Variants in SLC1A1 observed in about 807,000 individuals in gnomAD.
SLC1A1 encodes solute carrier family 1 member 1.
SLC1A1 carries 43 observed loss-of-function variants against 53.3 expected under a neutral mutation model. That is an observed-to-expected ratio of 0.81 (90% confidence interval 0.63 to 1.04). SLC1A1 has a LOEUF of 1.04. SLC1A1 is among the 50% of genes least tolerant of loss of function. The probability of loss-of-function intolerance (pLI) is 0.00; values close to 1 mark genes in which losing one functional copy is unlikely to be tolerated. For synonymous variants in SLC1A1, 307 were observed against 243.2 expected, an observed-to-expected ratio of 1.26 and a Z score of -2.44; for missense variants, 748 against 664.9, an observed-to-expected ratio of 1.12 and a Z score of -1.37.
At chr9:4,507,858 A>T (rs1820856114) in intron 1 of SLC1A1, among the ~76,000 whole-genome samples, 1 of 152,146 alleles carries the variant, frequency 6.6e-6, no homozygotes, top group South Asian at 2.1e-4. Context: ...AGATGGTCAG[A>T]TTTTATTTAC....
chr9:4,513,402 C>T (rs1821059098), intron 1 of SLC1A1, among the ~76,000 whole-genome samples: 2 of 152,196 alleles, frequency 1.3e-5, no homozygotes, highest in South Asian at 4.2e-4. Context: ...AAAACCTGAA[C>T]AGACACTTCA....
chr9:4,510,581 C>T (rs1225053936), intron 1 of SLC1A1, among the ~76,000 whole-genome samples: 1 of 152,186 alleles, frequency 6.6e-6, no homozygotes, highest in Non-Finnish European at 1.5e-5. Flanking sequence ...TCCTTACATA[C>T]AGTCTCTTTA....
intron 1 of SLC1A1, among the ~76,000 whole-genome samples, chr9:4,513,883 C>T (rs545446618): frequency 1.6e-4 from 24 of 152,264 alleles, no homozygotes; most frequent in African/African-American, 5.3e-4. Flanking sequence ...ACCATTGATA[C>T]GTACAAAACT....
intron 1 of SLC1A1, among the ~76,000 whole-genome samples, chr9:4,528,499 C>G (rs578088220): frequency 6.6e-6 from 1 of 152,058 alleles, no homozygotes; most frequent in Non-Finnish European, 1.5e-5. Flanking sequence ...TGGCGTGAAC[C>G]CGGGAGGCGG....
rs186201022 is a variant in SLC1A1 at position 4,520,711 on chromosome 9, T to C, written c.92-23856T>C. On this transcript the variant is annotated intron_variant, in intron 1 of 11. Coordinates refer to ENST00000262352, the MANE Select transcript of SLC1A1 (RefSeq NM_004170.6). ...TTTCACATTTGGCTATTAGGAATAATGTTGTTGTGAACATTTCTTGTACAG... is the reference window on the plus strand; with the variant it reads ...TTTCACATTTGGCTATTAGGAATAACGTTGTTGTGAACATTTCTTGTACAG... Among the ~76,000 whole-genome samples the C allele has an allele frequency of 2.4e-3, 361 of 152,368 alleles. 1 individual carries two copies. Among genetic ancestry groups the C allele is most frequent in the African/African-American group, 8.5e-3 (352 of 41,594 alleles).
At chr9:4,567,626 T>A (rs1333992162) in intron 5 of SLC1A1, 43 bp from the exon 6 acceptor site, 1 of 1,324,750 alleles carries the variant, frequency 7.5e-7, no homozygotes, top group African/African-American at 1.4e-5. Context: ...TTAAAAAAAA[T>A]TCTTTTTTTG....
intron 11 of SLC1A1, among the ~76,000 whole-genome samples, chr9:4,584,708 G>A (rs965235952): frequency 6.6e-5 from 10 of 152,268 alleles, no homozygotes; most frequent in African/African-American, 2.4e-4. Context: ...CAGGCTCTCT[G>A]GAAATTAAGA....
At chr9:4,548,728 CCTTA>C (rs1353949346) in intron 2 of SLC1A1, among the ~76,000 whole-genome samples, 1 of 151,948 alleles carries the variant, frequency 6.6e-6, no homozygotes, top group Non-Finnish European at 1.5e-5. Flanking sequence ...AAGAAAATGT[CCTTA>C]CTTTTTAAAT....
intron 3 of SLC1A1, among the ~76,000 whole-genome samples, chr9:4,562,737 G>A (rs1819076960): frequency 6.6e-6 from 1 of 152,106 alleles, no homozygotes; most frequent in Non-Finnish European, 1.5e-5. Context: ...TCCCTACAAA[G>A]GACATGAACT....
chr9:4,505,574 T>C lies in SLC1A1; in HGVS notation c.91+14804T>C, dbSNP rs1052153314. On this transcript the variant is annotated intron_variant, in intron 1 of 11. Coordinates refer to ENST00000262352, the MANE Select transcript of SLC1A1 (RefSeq NM_004170.6). The stretch of plus-strand genomic sequence containing the variant: ...TGGGTTGTGCCTTGTGGATTTCCAT[T>C]GGCTCTACGTGCAAAAGATTAAGTT... Among the ~76,000 whole-genome samples, 24 of 152,384 alleles carry C rather than the reference T, an allele frequency of 1.6e-4. No homozygotes were observed. In the Middle Eastern group the frequency reaches 0.014, roughly 86 times the overall value.
chr9:4,577,982 C>G (rs1397462818), intron 10 of SLC1A1, among the ~76,000 whole-genome samples: 1 of 152,120 alleles, frequency 6.6e-6, no homozygotes, highest in Non-Finnish European at 1.5e-5. Context: ...AGGATGACTC[C>G]CAGGATTGGC....
chr9:4,559,001 T>C (rs1430890015), intron 2 of SLC1A1, among the ~76,000 whole-genome samples: 1 of 152,216 alleles, frequency 6.6e-6, no homozygotes, highest in Non-Finnish European at 1.5e-5. Flanking sequence ...ACATATTTTA[T>C]AATCATATAA....
intron 1 of SLC1A1, among the ~76,000 whole-genome samples, chr9:4,503,550 T>C (rs918583850): frequency 7.9e-5 from 12 of 151,696 alleles, no homozygotes; most frequent in Admixed American, 2.0e-4. Context: ...GAGGCCATAA[T>C]TGGAATGGCC....
chr9:4,506,289 T>C (rs1820808428), intron 1 of SLC1A1, among the ~76,000 whole-genome samples: 1 of 152,212 alleles, frequency 6.6e-6, no homozygotes, highest in Non-Finnish European at 1.5e-5. Context: ...TGCCAGTGCT[T>C]TAGAATAACT....
intron 10 of SLC1A1, among the ~76,000 whole-genome samples, chr9:4,582,349 G>A (rs1821177543): frequency 6.6e-6 from 1 of 152,206 alleles, no homozygotes; most frequent in Admixed American, 6.5e-5. Flanking sequence ...AAAAGGAGCA[G>A]TCAGGAGTAA....
intron 1 of SLC1A1, among the ~76,000 whole-genome samples, chr9:4,504,178 GA>G (rs1820725807): frequency 6.6e-6 from 1 of 152,150 alleles, no homozygotes; most frequent in African/African-American, 2.4e-5. Flanking sequence ...GCTAATTAGA[GA>G]AAATGGAAGA....
chr9:4,532,774 A>G (rs1261455727), intron 1 of SLC1A1, among the ~76,000 whole-genome samples: 4 of 152,172 alleles, frequency 2.6e-5, no homozygotes, highest in Non-Finnish European at 2.9e-5. Context: ...GATTCACCAA[A>G]GTTGCAATGA....
intron 10 of SLC1A1, among the ~76,000 whole-genome samples, chr9:4,577,176 G>T (rs1393957583): frequency 4.6e-5 from 7 of 152,204 alleles, no homozygotes; most frequent in African/African-American, 1.7e-4. Flanking sequence ...GTTCTAGCTG[G>T]GAAGGTGAAC....
At chr9:4,519,109 C>T (rs556617341) in intron 1 of SLC1A1, among the ~76,000 whole-genome samples, 24 of 152,268 alleles carry the variant, frequency 1.6e-4, no homozygotes, top group African/African-American at 4.3e-4. Flanking sequence ...CAACTACAAA[C>T]GGAGCTGAAA....
Sources: allele counts gnomAD v4.1 joint callset (sites outside exome capture counted in the v4.1 genomes callset), GRCh38; gene constraint gnomAD v4.1.1; transcripts MANE v1.5; gene names NCBI Gene and HGNC (gene_info 2026-07-23, HGNC 2026-07-21).